The following UHRF1 variants were observed in gnomAD, a reference collection of about 807,000 sequenced individuals.
UHRF1 encodes the protein E3 ubiquitin-protein ligase UHRF1.
In UHRF1, 9 loss-of-function variants were observed where a neutral mutation model predicts 96.5. The ratio of observed to expected loss-of-function variants is 0.09; its 90% CI spans 0.06 to 0.16. The LOEUF is 0.16. Ranked by LOEUF, UHRF1 falls within the 10% of genes least tolerant of loss-of-function variation. The probability of loss-of-function intolerance (pLI) is 1.00; values close to 1 mark genes in which losing one functional copy is unlikely to be tolerated. For synonymous variants in UHRF1, 455 were observed against 469.9 expected (o/e 0.97, Z 0.41); for missense variants, 626 against 1,131.1 (o/e 0.55, Z 6.40).
intron 4 of UHRF1, among the ~76,000 whole-genome samples, chr19:4,931,497 T>C (rs2033051832): frequency 6.6e-6 from 1 of 152,102 alleles, no homozygotes. Context: ...AGACAGAGTC[T>C]TACTCTGTCA....
upstream of UHRF1, among the ~76,000 whole-genome samples, chr19:4,905,605 C>T (rs1255179640): frequency 6.6e-6 from 1 of 151,924 alleles, no homozygotes; most frequent in East Asian, 1.9e-4. Context: ...GTAACCTCCG[C>T]CTCCTGGGTT....
At chr19:4,910,339 C>CGGGGGGGGCCGGCAAGG (rs2032210734) in intron 1 of UHRF1, 1 of 53,376 alleles carries the variant, frequency 1.9e-5, no homozygotes, top group Non-Finnish European at 4.2e-5. Flanking sequence ...CGCACGCGCG[C>CGGGGGGGGCCGGCAAGG]GGGGGGGGCC....
At chr19:4,953,391 A>G (rs1365851890) in intron 13 of UHRF1, among the ~76,000 whole-genome samples, 2 of 152,186 alleles carry the variant, frequency 1.3e-5, no homozygotes, top group Admixed American at 6.5e-5. Flanking sequence ...TGAGATTCAC[A>G]ACCTCTCTTT....
At chr19:4,957,341 C>T (rs575104808) in intron 16 of UHRF1, among the ~76,000 whole-genome samples, 146 of 129,718 alleles carry the variant, frequency 1.1e-3, no homozygotes, top group African/African-American at 4.1e-3. Context: ...CAGAGTCTCG[C>T]TCTGTTGCCC....
chr19:4,953,198 A>G lies in UHRF1; in HGVS notation c.1819-1152A>G, dbSNP rs78954997. ...GCTTTGCGATTAGACAGGATTAGCC[A>G]TTGGTCGAGGCTCCACAGTTAACGA... On this transcript the variant is annotated intron_variant, in intron 13 of 16. Coordinates refer to ENST00000650932, the MANE Select transcript of UHRF1 (RefSeq NM_001048201.3). Among the ~76,000 whole-genome samples the G allele has an allele frequency of 6.6e-5, 10 of 152,246 alleles. No individual in the cohort carries two copies. In the East Asian group the frequency reaches 1.5e-3, roughly 24 times the overall value.
At chr19:4,906,332 G>C (rs190298666), upstream of UHRF1, among the ~76,000 whole-genome samples, 19 of 152,190 alleles carry the variant, frequency 1.2e-4, 1 homozygote, top group East Asian at 3.7e-3. Flanking sequence ...AGATGACTAG[G>C]GAACTGGAGC....
chr19:4,921,890 C>T (rs775316025), intron 2 of UHRF1, among the ~76,000 whole-genome samples: 3 of 152,222 alleles, frequency 2.0e-5, no homozygotes, highest in African/African-American at 4.8e-5. Context: ...ACGAGGAGTG[C>T]TTAGGGAAAC....
chr19:4,912,967 C>T (rs535799720), intron 2 of UHRF1, among the ~76,000 whole-genome samples: 15 of 152,002 alleles, frequency 9.9e-5, no homozygotes, highest in Admixed American at 3.3e-4. Context: ...ATTATATTGC[C>T]CAGGGTGGTC....
At position 4,932,736 on chromosome 19, in the gene UHRF1, C is replaced by G; in HGVS notation, c.570-5C>G. On this transcript the variant is annotated splice_polypyrimidine_tract_variant and splice_region_variant and intron_variant, in intron 4 of 16. Transcript: ENST00000650932. ...CGGGGTCTAAGGCCCGGGCTTTCCT[C>G]CCAGCTACCCGGAGAACGGCGTGGT... 3 of 1,613,366 alleles carry G rather than the reference C, an allele frequency of 1.9e-6. No homozygotes were observed. The highest frequency in any genetic ancestry group is 1.1e-5 in the South Asian group (1 of 91,068).
At chr19:4,960,356 G>A (rs2033957518) in intron 16 of UHRF1, among the ~76,000 whole-genome samples, 1 of 152,204 alleles carries the variant, frequency 6.6e-6, no homozygotes, top group African/African-American at 2.4e-5. Context: ...CTAGGGAGGT[G>A]TCAGGGAAGG....
upstream of UHRF1, among the ~76,000 whole-genome samples, chr19:4,907,805 T>A (rs2032098969): frequency 7.1e-6 from 1 of 141,678 alleles, no homozygotes; most frequent in Non-Finnish European, 1.5e-5. Context: ...CTCTGCCTCC[T>A]GGGTTCAAGC....
At chr19:4,924,951 T>C (rs2032821464) in intron 2 of UHRF1, among the ~76,000 whole-genome samples, 1 of 151,398 alleles carries the variant, frequency 6.6e-6, no homozygotes, top group Non-Finnish European at 1.5e-5. Context: ...TTCAGCCTCC[T>C]GAGTAGCTGG....
chr19:4,957,510 G>C (rs879809330), intron 16 of UHRF1, among the ~76,000 whole-genome samples: 2 of 151,958 alleles, frequency 1.3e-5, no homozygotes, highest in Non-Finnish European at 2.9e-5. Flanking sequence ...GGGTTTCACC[G>C]TGTTAGCCAG....
intron 16 of UHRF1, among the ~76,000 whole-genome samples, chr19:4,958,687 T>C (rs1465590498): frequency 6.6e-6 from 1 of 152,100 alleles, no homozygotes; most frequent in African/African-American, 2.4e-5. Flanking sequence ...ATTATAAACT[T>C]GAGGCCAGCC....
Position 4,943,982 on chromosome 19 carries a change from C to T in UHRF1, c.1074-150C>T, listed in dbSNP as rs900835080. ...GAATGAATTTAAATGTAAACAGCCT[C>T]GTGTGCCAAGCGGCCTGCAATGTGG... is the stretch of plus-strand genomic sequence containing the variant. On this transcript the variant is annotated intron_variant, in intron 7 of 16. Transcript: ENST00000650932. The T allele has an allele frequency of 1.1e-5, 14 of 1,232,124 alleles. 1 individual carries two copies. Among genetic ancestry groups the T allele is most frequent in the Middle Eastern group, 2.8e-4 (1 of 3,584 alleles). 76.3% of individuals were successfully genotyped at this position (1,232,124 alleles called of 1,614,324 possible).
chr19:4,935,997 C>G (rs1190673013), intron 5 of UHRF1, among the ~76,000 whole-genome samples: 1 of 152,208 alleles, frequency 6.6e-6, no homozygotes, highest in Non-Finnish European at 1.5e-5. Flanking sequence ...TGTCACAAGG[C>G]AGGGGTGTCA....
intron 2 of UHRF1, among the ~76,000 whole-genome samples, chr19:4,917,070 TG>T (rs397697524): frequency 0.19 from 13,409 of 69,332 alleles, 781 homozygotes; most frequent in African/African-American, 0.23. Context: ...GGCAGCTCGG[TG>T]GGGGGGGGGG....
In UHRF1 at chr19:4,931,742, C is replaced by T. The variant is rs147541918; in HGVS notation, c.569+866C>T. Among the ~76,000 whole-genome samples, 742 of 152,126 alleles carry T rather than the reference C, an allele frequency of 4.9e-3. 4 individuals carry two copies. Among genetic ancestry groups the T allele is most frequent in the African/African-American group, 0.017 (713 of 41,498 alleles). ...TCAGCCTCCCAGAGTGTTGGGATTA[C>T]AGGTGTGAGCCACTGTGCCCAGCTT... On this transcript the variant is annotated intron_variant, in intron 4 of 16. Transcript: ENST00000650932.
chr19:4,958,332 T>G (rs1425553429), intron 16 of UHRF1, among the ~76,000 whole-genome samples: 4 of 152,208 alleles, frequency 2.6e-5, no homozygotes. Context: ...AGGGGCCTGG[T>G]AACACTGTCC....
Sources: allele counts gnomAD v4.1 joint callset (sites outside exome capture counted in the v4.1 genomes callset), GRCh38; gene constraint gnomAD v4.1.1; transcripts MANE v1.5; gene names NCBI Gene and HGNC (gene_info 2026-07-23, HGNC 2026-07-21).